Variants in PAXIP1 observed in about 807,000 individuals in gnomAD.
The protein encoded by PAXIP1 is PAX interacting protein 1, also known as PAX-interacting protein 1.
In PAXIP1, 19 loss-of-function variants were observed where a neutral mutation model predicts 140.6. The observed-to-expected ratio is 0.14, with a 90% confidence interval of 0.09 to 0.20. The LOEUF (loss-of-function observed/expected upper bound fraction) is 0.20. Among genes scored for constraint, PAXIP1 ranks in the 10% least tolerant of loss-of-function variants. The pLI, the probability that PAXIP1 is intolerant of heterozygous loss-of-function variation, is 1.00. For missense variants in PAXIP1, 920 were observed against 1,208.6 expected (o/e 0.76, Z 3.54); for synonymous variants, 442 against 444.6 (o/e 0.99, Z 0.07).
At chr7:155,002,690 G>T (rs951808865) in intron 1 of PAXIP1, among the ~76,000 whole-genome samples, 159 bp downstream of exon 1, 1 of 150,814 alleles carries the variant, frequency 6.6e-6, no homozygotes, top group Non-Finnish European at 1.5e-5. Flanking sequence ...CCCACCCCGC[G>T]GTCGCCCCTG....
intron 3 of PAXIP1, among the ~76,000 whole-genome samples, chr7:154,991,520 CTTGA>C (rs1316991068): frequency 6.6e-6 from 1 of 152,202 alleles, no homozygotes; most frequent in African/African-American, 2.4e-5. Context: ...TTCATAAGAG[CTTGA>C]TTGAGCTCTA....
intron 2 of PAXIP1, among the ~76,000 whole-genome samples, chr7:154,998,368 C>A (rs1563393748): frequency 1.3e-5 from 2 of 152,070 alleles, no homozygotes; most frequent in Non-Finnish European, 2.9e-5. Context: ...ATTAGCCAGG[C>A]GTGGTGGCAG....
chr7:154,970,015 GAGT>G (rs1301681285), intron 6 of PAXIP1, among the ~76,000 whole-genome samples: 8 of 152,180 alleles, frequency 5.3e-5, no homozygotes, highest in African/African-American at 1.9e-4. Context: ...GTACGCTGAG[GAGT>G]AGGAGAAGGA....
intron 16 of PAXIP1, chr7:154,948,848 G>GA (rs1187922580): frequency 6.6e-6 from 1 of 151,826 alleles, no homozygotes; most frequent in East Asian, 1.9e-4. Context: ...TCAATTATGT[G>GA]AATTACCAAA....
chr7:154,997,018 G>GT (rs1810660216), intron 2 of PAXIP1, among the ~76,000 whole-genome samples: 1 of 152,136 alleles, frequency 6.6e-6, no homozygotes, highest in Non-Finnish European at 1.5e-5. Flanking sequence ...GAGAAAGAAA[G>GT]TTTGTAGGAA....
At chr7:154,967,776 T>A (rs929838489) in intron 8 of PAXIP1, 40 bp downstream of exon 8, 2 of 1,379,278 alleles carry the variant, frequency 1.5e-6, no homozygotes, top group Admixed American at 1.7e-5. Context: ...GAAAGAAGCA[T>A]CTTCAGACAC....
intron 2 of PAXIP1, among the ~76,000 whole-genome samples, chr7:154,996,050 G>A (rs1026192133): frequency 6.6e-6 from 1 of 152,324 alleles, no homozygotes; most frequent in East Asian, 1.9e-4. Flanking sequence ...TTTTTAAAAT[G>A]CATTGTCAAA....
At position 155,003,082 on chromosome 7, in the gene PAXIP1, G is replaced by C. The variant is rs1445107322; in HGVS notation, c.-153C>G. The C allele has an allele frequency of 5.4e-6, 1 of 185,714 alleles. No individual in the cohort carries two copies. The highest frequency in any genetic ancestry group is 9.6e-6 in the Non-Finnish European group (1 of 104,482). The allele number at this position is 185,714 out of a possible 1,614,324, so 11.5% of individuals were successfully genotyped here. A position where few individuals can be genotyped will look rare whatever the true frequency, so the allele number is the denominator to read the frequency against. The stretch of plus-strand genomic sequence containing the variant: ...CCTGCGAATCGGGGTCCGCTCCCCC[G>C]CCCTCCGCGCCCCCGCCCGCGCCCG... On this transcript the variant is annotated 5_prime_UTR_variant, in exon 1 of 21. Transcript: ENST00000404141.
rs1808010696 is a variant in PAXIP1 at position 154,946,960 on chromosome 7, A to G, written c.2923-147T>C. On this transcript the variant is annotated intron_variant, in intron 17 of 20. Coordinates refer to ENST00000404141, the MANE Select transcript of PAXIP1 (RefSeq NM_007349.4). The surrounding 1 kb of genome is among the most constrained non-coding windows in gnomAD (Gnocchi z 4.9). Reference sequence around the variant, plus strand: ...AGGTACTATTCTCCTACTAGCACTCAATCTGAAGTGGAAGAGGAATCCAGC... The same window carrying G: ...AGGTACTATTCTCCTACTAGCACTCGATCTGAAGTGGAAGAGGAATCCAGC... The G allele has an allele frequency of 1.8e-6, 1 of 567,964 alleles. No homozygotes were observed. Among genetic ancestry groups the G allele is most frequent in the Admixed American group, 3.3e-5 (1 of 30,560 alleles). The allele number at this position is 567,964 out of a possible 1,614,324, so 35.2% of individuals were successfully genotyped here. A position where few individuals can be genotyped will look rare whatever the true frequency, so the allele number is the denominator to read the frequency against.
intron 3 of PAXIP1, among the ~76,000 whole-genome samples, chr7:154,993,457 C>T (rs1380722158): frequency 6.6e-6 from 1 of 152,162 alleles, no homozygotes; most frequent in Non-Finnish European, 1.5e-5. Flanking sequence ...CTAGCTAGCA[C>T]CACAAAAGCT....
At chr7:154,976,982 CAGACTGGA>C (rs1809610750) in intron 5 of PAXIP1, among the ~76,000 whole-genome samples, 1 of 152,194 alleles carries the variant, frequency 6.6e-6, no homozygotes, top group Admixed American at 6.5e-5. Context: ...GATGCAGTAA[CAGACTGGA>C]AGGGAATCTC....
At chr7:154,987,668 G>A (rs1810137413) in intron 4 of PAXIP1, among the ~76,000 whole-genome samples, 1 of 152,148 alleles carries the variant, frequency 6.6e-6, no homozygotes, top group African/African-American at 2.4e-5. Flanking sequence ...CTATTTCCCA[G>A]CTCCTTCAGC....
At chr7:154,971,462 G>T (rs1416947357) in intron 6 of PAXIP1, among the ~76,000 whole-genome samples, 1 of 152,226 alleles carries the variant, frequency 6.6e-6, no homozygotes, top group African/African-American at 2.4e-5. Context: ...GTGCAGGCCT[G>T]GATGGAGAGG....
At chr7:154,969,254 T>C (rs1286594593) in intron 6 of PAXIP1, 128 bp from the exon 7 acceptor site, 27 of 972,090 alleles carry the variant, frequency 2.8e-5, no homozygotes, top group Admixed American at 1.8e-4. Flanking sequence ...CAGCAAATGA[T>C]TGGAAACTGC....
At chr7:154,981,263 C>T (rs974839845) in intron 5 of PAXIP1, among the ~76,000 whole-genome samples, 1 of 152,112 alleles carries the variant, frequency 6.6e-6, no homozygotes, top group East Asian at 1.9e-4. Context: ...TGTACTGGCA[C>T]TTAGTAAGTG....
At chr7:154,964,035 A>C (rs992886100) in intron 8 of PAXIP1, 21 of 392,298 alleles carry the variant, frequency 5.4e-5, no homozygotes, top group Non-Finnish European at 7.7e-5. Flanking sequence ...CTCAAGCTCA[A>C]TGTAACTGCC....
chr7:154,995,025 T>C (rs886076920), intron 2 of PAXIP1, among the ~76,000 whole-genome samples: 2 of 152,222 alleles, frequency 1.3e-5, no homozygotes, highest in Non-Finnish European at 2.9e-5. Context: ...AACACCTTCA[T>C]GTAGACCAAG....
At chr7:154,944,485 T>C (rs1585028538) in intron 20 of PAXIP1, 1 of 193,276 alleles carries the variant, frequency 5.2e-6, no homozygotes, top group East Asian at 1.3e-4. Flanking sequence ...CCCCAAGAGC[T>C]GACATCCCCA....
intron 2 of PAXIP1, among the ~76,000 whole-genome samples, chr7:154,994,520 A>G (rs1810484475): frequency 6.6e-6 from 1 of 152,166 alleles, no homozygotes; most frequent in Non-Finnish European, 1.5e-5. Context: ...TTGAGAATCT[A>G]TTTTATGCAG....
Sources: gnomAD v4.1 joint callset for allele counts (sites outside exome capture counted in the v4.1 genomes callset) on GRCh38, gnomAD v4.1.1 for gene constraint, Gnocchi (gnomAD v3.1) non-coding constraint, MANE v1.5 for transcripts, NCBI Gene and HGNC (gene_info 2026-07-23, HGNC 2026-07-21) for gene names.